Variants in GABRG2 observed in about 807,000 individuals in gnomAD.
GABRG2 encodes gamma-aminobutyric acid receptor subunit gamma-2.
Under a neutral mutation model 56.4 loss-of-function variants are expected in GABRG2, and 16 were observed. The ratio of observed to expected loss-of-function variants is 0.28; its 90% CI spans 0.19 to 0.43. The LOEUF (loss-of-function observed/expected upper bound fraction) is 0.43, where lower values mean the gene tolerates loss of function less well. Among genes scored for constraint, GABRG2 ranks in the 20% least tolerant of loss-of-function variants. The pLI is 1.00. For synonymous variants in GABRG2, 208 were observed against 205.5 expected (o/e 1.01, Z -0.10); for missense variants, 327 against 582.7 (o/e 0.56, Z 4.52).
At chr5:162,088,787 T>A (rs190850770) in intron 1 of GABRG2, among the ~76,000 whole-genome samples, 2 of 152,148 alleles carry the variant, frequency 1.3e-5, no homozygotes, top group African/African-American at 4.8e-5. Context: ...TGCTTCTTTA[T>A]CTGTAAAACA....
At chr5:162,110,317 T>G (rs992869759) in intron 6 of GABRG2, among the ~76,000 whole-genome samples, 1 of 152,132 alleles carries the variant, frequency 6.6e-6, no homozygotes. Flanking sequence ...CCCATCATAC[T>G]GTTCCCTTCC....
At chr5:162,126,995 A>G (rs1022388732) in intron 6 of GABRG2, among the ~76,000 whole-genome samples, 3 of 151,978 alleles carry the variant, frequency 2.0e-5, no homozygotes, top group African/African-American at 7.2e-5. Context: ...TAAATTTACA[A>G]TTAGAAAATT....
chr5:162,113,544 G>A (rs1050601477), intron 6 of GABRG2, among the ~76,000 whole-genome samples: 3 of 152,078 alleles, frequency 2.0e-5, no homozygotes, highest in African/African-American at 7.2e-5. Context: ...AGAAACACTG[G>A]AGTACAATAA....
At chr5:162,124,885 G>A (rs1763219762) in intron 6 of GABRG2, among the ~76,000 whole-genome samples, 1 of 151,484 alleles carries the variant, frequency 6.6e-6, no homozygotes, top group African/African-American at 2.4e-5. Flanking sequence ...CCAAGAAAGG[G>A]CATTACCTAC....
chr5:162,124,961 T>C (rs1412345505), intron 6 of GABRG2, among the ~76,000 whole-genome samples: 2 of 80,170 alleles, frequency 2.5e-5, no homozygotes, highest in Non-Finnish European at 5.0e-5. Context: ...TAAAGAGATG[T>C]GTGTGTGTGT....
chr5:162,104,016 G>A lies in GABRG2; in HGVS notation c.759G>A (p.Lys253=), dbSNP rs202124575. ...VGLRNTTEVV[K]TTSGDYVVMS... ...TAAGAAATACCACCGAAGTAGTGAA[G>A]ACAACTTCCGGTAAGATGCACTGGC... The change falls in exon 6 of 10, where the codon AAG becomes AAA. Residue 253 remains lysine (K), a synonymous_variant. Transcript: ENST00000639213. The A allele has an allele frequency of 6.5e-5, 105 of 1,613,938 alleles. No homozygotes were observed. In the East Asian group the frequency reaches 2.1e-3, roughly 32 times the overall value.
Position 162,153,409 on chromosome 5 carries a change from T to G in GABRG2, c.*41T>G. The G allele has an allele frequency of 2.5e-6, 4 of 1,601,286 alleles. No individual in the cohort carries two copies. Among genetic ancestry groups the G allele is most frequent in the Non-Finnish European group, 3.4e-6 (4 of 1,168,524 alleles). On this transcript the variant is annotated 3_prime_UTR_variant, in exon 10 of 10. Transcript: ENST00000639213. The stretch of plus-strand genomic sequence containing the variant: ...ACTGATATGGTTCTTATTCACTGAG[T>G]CTCATGGAGAGATGTCTGTTCTAAG...
At chr5:162,111,013 T>G (rs1399142925) in intron 6 of GABRG2, among the ~76,000 whole-genome samples, 1 of 152,090 alleles carries the variant, frequency 6.6e-6, no homozygotes, top group Admixed American at 6.6e-5. Flanking sequence ...TACATTTGAT[T>G]AGATGCTTCT....
At chr5:162,099,373 A>G (rs1025004315) in intron 4 of GABRG2, 2 of 152,202 alleles carry the variant, frequency 1.3e-5, no homozygotes, top group African/African-American at 4.8e-5. Flanking sequence ...GGTTCAAGTG[A>G]TGTTCCCACC....
At chr5:162,103,667 C>T (rs1761600076) in intron 5 of GABRG2, 1 of 572,946 alleles carries the variant, frequency 1.7e-6, no homozygotes, top group Non-Finnish European at 3.1e-6. Flanking sequence ...AAATTATTTT[C>T]AAGAGTAAAT....
intron 3 of GABRG2, 33 bp from the exon 4 acceptor site, chr5:162,097,605 A>T (rs1761094735): frequency 6.9e-7 from 1 of 1,456,018 alleles, no homozygotes; most frequent in Non-Finnish European, 9.6e-7. Flanking sequence ...CTTACTGTGT[A>T]CAAATTTTCT....
intron 6 of GABRG2, among the ~76,000 whole-genome samples, chr5:162,130,801 G>C (rs1186645712): frequency 6.6e-6 from 1 of 151,838 alleles, no homozygotes; most frequent in Non-Finnish European, 1.5e-5. Context: ...CTAATATTTG[G>C]TATTTACCAG....
At chr5:162,077,307 A>G (rs1282354526) in intron 1 of GABRG2, among the ~76,000 whole-genome samples, 1 of 152,154 alleles carries the variant, frequency 6.6e-6, no homozygotes, top group Non-Finnish European at 1.5e-5. Context: ...CTTTTGCTCA[A>G]CATAATATTT....
At chr5:162,136,495 T>C (rs1470735419) in intron 6 of GABRG2, among the ~76,000 whole-genome samples, 1 of 151,770 alleles carries the variant, frequency 6.6e-6, no homozygotes, top group Non-Finnish European at 1.5e-5. Context: ...GTGGTGGTGG[T>C]GGCATAGGTG....
chr5:162,112,612 G>C (rs1345945173), intron 6 of GABRG2, among the ~76,000 whole-genome samples: 1 of 152,064 alleles, frequency 6.6e-6, no homozygotes, highest in Non-Finnish European at 1.5e-5. Flanking sequence ...GACTGGAAAT[G>C]GGCAGCAAAT....
At chr5:162,108,656 A>G (rs1365425522) in intron 6 of GABRG2, among the ~76,000 whole-genome samples, 1 of 152,176 alleles carries the variant, frequency 6.6e-6, no homozygotes, top group Non-Finnish European at 1.5e-5. Flanking sequence ...GTGACTTTAT[A>G]TAAATCATTT....
chr5:162,082,103 A>T (rs780698868), intron 1 of GABRG2, among the ~76,000 whole-genome samples: 1 of 151,822 alleles, frequency 6.6e-6, no homozygotes, highest in African/African-American at 2.4e-5. Flanking sequence ...TTCAGTGCTT[A>T]TGTGTTCTGC....
chr5:162,101,559 A>C, intron 5 of GABRG2: 1 of 521,406 alleles, frequency 1.9e-6, no homozygotes, highest in Non-Finnish European at 3.4e-6. Flanking sequence ...GCAAACTTTT[A>C]ATATATTGGT....
At chr5:162,102,438 C>G (rs1315110910) in intron 5 of GABRG2, 3 of 447,006 alleles carry the variant, frequency 6.7e-6, no homozygotes, top group Non-Finnish European at 9.0e-6. Context: ...TGAACCCAAA[C>G]ACAATTTAAT....
Sources: gnomAD v4.1 joint callset for allele counts (sites outside exome capture counted in the v4.1 genomes callset) on GRCh38, gnomAD v4.1.1 for gene constraint, MANE v1.5 for transcripts, NCBI Gene and HGNC (gene_info 2026-07-23, HGNC 2026-07-21) for gene names.